KLF8: variants seen among roughly 807,000 people sequenced by gnomAD.
The protein encoded by KLF8 is Krueppel-like factor 8.
In KLF8, 10 loss-of-function variants were observed where a neutral mutation model predicts 18.2. The observed-to-expected ratio is 0.55, with a 90% confidence interval of 0.34 to 0.93. The LOEUF is 0.93. Among genes scored for constraint, KLF8 ranks in the 40% least tolerant of loss-of-function variants. The probability of loss-of-function intolerance (pLI) is 0.02; values close to 1 mark genes in which losing one functional copy is unlikely to be tolerated. For missense variants in KLF8, 264 were observed against 277.9 expected (o/e 0.95, Z 0.36); for synonymous variants, 109 against 97.3 (o/e 1.12, Z -0.71).
chrX:56,140,306 C>T, the KLF8 span, among the ~76,000 whole-genome samples: 1 of 111,668 alleles, frequency 9.0e-6, no homozygotes, highest in African/African-American at 3.2e-5. Context: ...CACACACACT[C>T]GTATGTTCAC....
chrX:55,952,888 A>G, the KLF8 span, among the ~76,000 whole-genome samples: 1 of 111,820 alleles, frequency 8.9e-6, no homozygotes, highest in South Asian at 3.7e-4. Flanking sequence ...AGTTGAACTT[A>G]TGACGTGGAC....
At chrX:56,067,890 C>T in the KLF8 span, among the ~76,000 whole-genome samples, 8 of 112,680 alleles carry the variant, frequency 7.1e-5, no homozygotes, top group Non-Finnish European at 1.3e-4. Context: ...GTGGCAGTAT[C>T]TGGGAGCAGT....
the KLF8 span, among the ~76,000 whole-genome samples, chrX:55,945,014 G>A: frequency 9.0e-6 from 1 of 111,075 alleles, no homozygotes; most frequent in Admixed American, 9.6e-5. Flanking sequence ...GTGTCCCAGA[G>A]ATCCTGTTAT....
the KLF8 span, among the ~76,000 whole-genome samples, chrX:56,190,457 A>C: frequency 8.9e-6 from 1 of 111,923 alleles, no homozygotes; most frequent in Non-Finnish European, 1.9e-5. Flanking sequence ...ATCAAACTTA[A>C]TCTGCACTAT....
the KLF8 span, among the ~76,000 whole-genome samples, chrX:55,995,874 A>G: frequency 9.0e-6 from 1 of 110,979 alleles, no homozygotes; most frequent in Non-Finnish European, 1.9e-5. Flanking sequence ...CCTGCATAGT[A>G]TCTTGGAGGG....
At chrX:56,143,781 G>T in the KLF8 span, among the ~76,000 whole-genome samples, 4 of 111,948 alleles carry the variant, frequency 3.6e-5, no homozygotes, top group African/African-American at 6.5e-5. Flanking sequence ...ATACTTTGTT[G>T]CAACCATTTA....
At chrX:55,957,962 T>G in the KLF8 span, among the ~76,000 whole-genome samples, 2 of 112,082 alleles carry the variant, frequency 1.8e-5, no homozygotes, top group East Asian at 5.5e-4. Context: ...CATAGAGAAA[T>G]TAAATAACTT....
the KLF8 span, among the ~76,000 whole-genome samples, chrX:56,073,598 A>G: frequency 9.0e-6 from 1 of 111,477 alleles, no homozygotes; most frequent in Non-Finnish European, 1.9e-5. Context: ...GCACCATTTT[A>G]TATTAACACA....
At chrX:56,189,777 T>A in the KLF8 span, among the ~76,000 whole-genome samples, 1 of 100,789 alleles carries the variant, frequency 9.9e-6, no homozygotes, top group Non-Finnish European at 2.0e-5. Flanking sequence ...AGGACAAAAA[T>A]CCAAACACCA....
chrX:56,205,612 T>G, the KLF8 span, among the ~76,000 whole-genome samples: 53 of 112,406 alleles, frequency 4.7e-4, no homozygotes, highest in African/African-American at 1.6e-3. Context: ...GATATTGGCC[T>G]GTAATTTTTT....
the KLF8 span, among the ~76,000 whole-genome samples, chrX:56,171,247 T>C: frequency 8.9e-6 from 1 of 112,052 alleles, no homozygotes; most frequent in African/African-American, 3.2e-5. Flanking sequence ...AAGATATAAA[T>C]AGAAACAACA....
the KLF8 span, among the ~76,000 whole-genome samples, chrX:55,960,505 A>G: frequency 9.1e-6 from 1 of 110,394 alleles, no homozygotes; most frequent in Non-Finnish European, 1.9e-5. Flanking sequence ...ACAAGAGTGA[A>G]ACTCTGTCAA....
chrX:56,180,556 G>A, the KLF8 span, among the ~76,000 whole-genome samples: 4 of 110,319 alleles, frequency 3.6e-5, no homozygotes, highest in African/African-American at 1.3e-4. Context: ...TGTGATGTTA[G>A]GCTGTCAATT....
the KLF8 span, among the ~76,000 whole-genome samples, chrX:56,042,595 C>T: frequency 9.0e-6 from 1 of 111,536 alleles, no homozygotes. Flanking sequence ...TATGTAATGC[C>T]CTTCTTTGTC....
At chrX:56,121,270 C>T in the KLF8 span, among the ~76,000 whole-genome samples, 1 of 107,820 alleles carries the variant, frequency 9.3e-6, no homozygotes. Context: ...AAGGGATAAT[C>T]AAGAAAGGAA....
the KLF8 span, among the ~76,000 whole-genome samples, chrX:56,160,352 G>T: frequency 9.0e-6 from 1 of 111,675 alleles, no homozygotes; most frequent in Admixed American, 9.6e-5. Context: ...GTGCTGAGAA[G>T]AATGTATATT....
At chrX:56,053,535 C>CTT in the KLF8 span, among the ~76,000 whole-genome samples, 1 of 32,744 alleles carries the variant, frequency 3.1e-5, no homozygotes, top group Non-Finnish European at 7.1e-5. Flanking sequence ...AGGGAGAAGT[C>CTT]TTTTCTTTGT....
At chrX:56,145,821 T>C in the KLF8 span, among the ~76,000 whole-genome samples, 1 of 111,245 alleles carries the variant, frequency 9.0e-6, no homozygotes, top group African/African-American at 3.3e-5. Context: ...TCTATCCATC[T>C]GACAAAGGGC....
chrX:55,982,501 G>A, the KLF8 span, among the ~76,000 whole-genome samples: 10 of 111,842 alleles, frequency 8.9e-5, no homozygotes, highest in African/African-American at 2.9e-4. Flanking sequence ...TGATCCTTCT[G>A]CCTCTAACCT....
Sources: gnomAD v4.1 joint callset for allele counts (sites outside exome capture counted in the v4.1 genomes callset) on GRCh38, gnomAD v4.1.1 for gene constraint, MANE v1.5 for transcripts, NCBI Gene and HGNC (gene_info 2026-07-23, HGNC 2026-07-21) for gene names.